Variants in CD109 observed in about 807,000 individuals in gnomAD.
CD109 encodes CD109 molecule, also known as CD109 antigen.
A neutral mutation model predicts 165.8 loss-of-function variants in CD109; 149 were observed. The ratio of observed to expected loss-of-function variants is 0.90; its 90% CI spans 0.79 to 1.03. The LOEUF (loss-of-function observed/expected upper bound fraction) is 1.03. Ranked by LOEUF, CD109 falls within the 50% of genes least tolerant of loss-of-function variation. The pLI is 0.00. For synonymous variants in CD109, 585 were observed against 592.1 expected (o/e 0.99, Z 0.18); for missense variants, 1,712 against 1,677.8 (o/e 1.02, Z -0.36).
At chr6:73,689,525 G>C in the CD109 span, among the ~76,000 whole-genome samples, 1 of 152,104 alleles carries the variant, frequency 6.6e-6, no homozygotes, top group African/African-American at 2.4e-5. Context: ...GTATAAAAGT[G>C]GGAAAACCAC....
At chr6:73,726,021 G>C (rs1014446477) in intron 3 of CD109, among the ~76,000 whole-genome samples, 3 of 152,124 alleles carry the variant, frequency 2.0e-5, no homozygotes, top group African/African-American at 7.2e-5. Flanking sequence ...ATTTGATAAT[G>C]CTTGACAAAA....
intron 14 of CD109, among the ~76,000 whole-genome samples, chr6:73,768,611 A>C (rs1773933016): frequency 6.6e-6 from 1 of 152,208 alleles, no homozygotes; most frequent in South Asian, 2.1e-4. Context: ...GAGGCCATCT[A>C]GGATAATACG....
chr6:73,791,438 A>G (rs1443122761), intron 22 of CD109, among the ~76,000 whole-genome samples: 1 of 151,316 alleles, frequency 6.6e-6, no homozygotes, highest in East Asian at 2.0e-4. Context: ...CAGTGTTGGG[A>G]TGCTGGGACA....
chr6:73,797,836 G>T (rs544231981), intron 23 of CD109, among the ~76,000 whole-genome samples: 2 of 152,174 alleles, frequency 1.3e-5, no homozygotes, highest in South Asian at 4.2e-4. Context: ...GGGCTCATGG[G>T]TTTTTATCTT....
At chr6:73,807,773 C>T (rs765075181) in intron 25 of CD109, among the ~76,000 whole-genome samples, 1 of 152,156 alleles carries the variant, frequency 6.6e-6, no homozygotes, top group East Asian at 1.9e-4. Context: ...ATATATTTCT[C>T]AAGCAGTTTG....
chr6:73,697,063 C>A (rs1770868115), intron 1 of CD109, among the ~76,000 whole-genome samples: 1 of 152,218 alleles, frequency 6.6e-6, no homozygotes, highest in Non-Finnish European at 1.5e-5. Context: ...AGCTTAGAGA[C>A]TTTTGCTTTG....
intron 24 of CD109, among the ~76,000 whole-genome samples, chr6:73,805,732 G>A (rs946301368): frequency 1.3e-5 from 2 of 152,166 alleles, no homozygotes; most frequent in Non-Finnish European, 2.9e-5. Context: ...TGAGATTAGG[G>A]AGTGGTGATG....
intron 30 of CD109, among the ~76,000 whole-genome samples, chr6:73,817,724 G>A (rs1392248718): frequency 6.6e-6 from 1 of 152,130 alleles, no homozygotes; most frequent in African/African-American, 2.4e-5. Context: ...CAGACAAAAT[G>A]TTGTTGGTGC....
intron 3 of CD109, among the ~76,000 whole-genome samples, chr6:73,725,894 A>G (rs1772124737): frequency 6.6e-6 from 1 of 152,242 alleles, no homozygotes; most frequent in South Asian, 2.1e-4. Context: ...TGTCATTTCA[A>G]TTGTATATAA....
At chr6:73,779,609 G>T (rs1774397544) in intron 15 of CD109, among the ~76,000 whole-genome samples, 1 of 151,978 alleles carries the variant, frequency 6.6e-6, no homozygotes, top group African/African-American at 2.4e-5. Context: ...ACCACATTTT[G>T]TTTATCCATT....
chr6:73,791,160 T>TATATACACATACAC (rs1774930296), intron 22 of CD109, among the ~76,000 whole-genome samples: 26 of 33,408 alleles, frequency 7.8e-4, no homozygotes, highest in East Asian at 5.3e-3. Context: ...TATATATATA[T>TATATACACATACAC]ATATATATAT....
chr6:73,821,235 C>G (rs1049961202), intron 32 of CD109, among the ~76,000 whole-genome samples: 1 of 152,036 alleles, frequency 6.6e-6, no homozygotes, highest in Admixed American at 6.6e-5. Flanking sequence ...TGCAGCACAC[C>G]AACATGGCAC....
chr6:73,702,138 G>A (rs1253441340), intron 2 of CD109, among the ~76,000 whole-genome samples: 1 of 151,916 alleles, frequency 6.6e-6, no homozygotes, highest in Non-Finnish European at 1.5e-5. Context: ...TTTTCTTTTT[G>A]CCCTAAAATC....
chr6:73,770,620 C>T (rs951025224), intron 14 of CD109, among the ~76,000 whole-genome samples: 9 of 152,196 alleles, frequency 5.9e-5, no homozygotes, highest in Middle Eastern at 6.8e-3. Context: ...TGGTGGTGGG[C>T]GCCTGTAATC....
At chr6:73,701,213 T>C (rs1411424173) in intron 2 of CD109, among the ~76,000 whole-genome samples, 1 of 152,040 alleles carries the variant, frequency 6.6e-6, no homozygotes, top group Non-Finnish European at 1.5e-5. Context: ...GTAGTGAGAT[T>C]CAAAAGATTG....
Position 73,826,346 on chromosome 6 carries a change from T to C in CD109, c.*2713T>C, listed in dbSNP as rs1211662141. The C allele has an allele frequency of 6.6e-6, 1 of 152,238 alleles. No homozygotes were observed. The highest frequency in any genetic ancestry group is 1.5e-5 in the Non-Finnish European group (1 of 68,042). The allele number at this position is 152,238 out of a possible 1,614,324, so 9.4% of individuals were successfully genotyped here. A position where few individuals can be genotyped will look rare whatever the true frequency, so the allele number is the denominator to read the frequency against. On this transcript the variant is annotated 3_prime_UTR_variant, in exon 33 of 33. Coordinates refer to ENST00000287097, the MANE Select transcript of CD109 (RefSeq NM_133493.5). ...GCTGAAGCTCTTCCATTTAGAATAC[T>C]GTCAATGTCATTTACTGGTATGAAC...
intron 2 of CD109, among the ~76,000 whole-genome samples, chr6:73,708,602 T>A (rs993459849): frequency 6.6e-6 from 1 of 152,250 alleles, no homozygotes; most frequent in African/African-American, 2.4e-5. Context: ...TGAACTAGTT[T>A]ACAGTCCCAC....
intron 5 of CD109, among the ~76,000 whole-genome samples, chr6:73,754,657 A>G (rs942008309): frequency 6.6e-6 from 1 of 152,218 alleles, no homozygotes; most frequent in South Asian, 2.1e-4. Context: ...AATCAAACAC[A>G]CATTTATTGA....
intron 2 of CD109, among the ~76,000 whole-genome samples, chr6:73,713,648 A>T (rs1030253671): frequency 6.6e-6 from 1 of 152,176 alleles, no homozygotes; most frequent in African/African-American, 2.4e-5. Flanking sequence ...CATGCAGTTG[A>T]ACTGCTCGTC....
Sources: gnomAD v4.1 joint callset for allele counts (sites outside exome capture counted in the v4.1 genomes callset) on GRCh38, gnomAD v4.1.1 for gene constraint, MANE v1.5 for transcripts, NCBI Gene and HGNC (gene_info 2026-07-23, HGNC 2026-07-21) for gene names.